The following SMYD4 variants were observed in gnomAD, a reference collection of about 807,000 sequenced individuals.
The protein encoded by SMYD4 is protein-lysine N-methyltransferase SMYD4.
In SMYD4, 68 loss-of-function variants were observed where a neutral mutation model predicts 72.8. The ratio of observed to expected loss-of-function variants is 0.93; its 90% confidence interval spans 0.77 to 1.14. SMYD4 has a LOEUF of 1.14. SMYD4 is among the 50% of genes most tolerant of loss of function. The probability of loss-of-function intolerance (pLI) is 0.00; values close to 1 mark genes in which losing one functional copy is unlikely to be tolerated. For missense variants in SMYD4, 984 were observed against 1,003.7 expected, an observed-to-expected ratio of 0.98 and a Z score of 0.27; for synonymous variants, 407 against 388.6, an observed-to-expected ratio of 1.05 and a Z score of -0.56.
intron 4 of SMYD4, among the ~76,000 whole-genome samples, chr17:1,803,264 G>A (rs1339625458): frequency 6.6e-6 from 1 of 152,190 alleles, no homozygotes; most frequent in Non-Finnish European, 1.5e-5. Context: ...AGGCAGACAC[G>A]GGCAGTTCAA....
intron 7 of SMYD4, 36 bp downstream of exon 7, chr17:1,786,774 T>C (rs775931277): frequency 7.4e-6 from 12 of 1,612,742 alleles, no homozygotes; most frequent in Non-Finnish European, 1.0e-5. Flanking sequence ...AAAACTGACC[T>C]CCAGGAAAAG....
intron 5 of SMYD4, 148 bp downstream of exon 5, chr17:1,799,709 G>A: frequency 1.3e-6 from 1 of 785,592 alleles, no homozygotes. Flanking sequence ...GCTTCTTAAT[G>A]GCATTGTGAC....
At chr17:1,783,585 C>A in intron 8 of SMYD4, 109 bp from the exon 9 acceptor site, 1 of 1,483,206 alleles carries the variant, frequency 6.7e-7, no homozygotes, top group Non-Finnish European at 9.0e-7. Context: ...TGGAAATTCC[C>A]CCTGGCCTCC....
intron 8 of SMYD4, 130 bp downstream of exon 8, chr17:1,784,196 A>C: frequency 2.1e-6 from 3 of 1,441,328 alleles, no homozygotes; most frequent in Non-Finnish European, 2.8e-6. Flanking sequence ...CTATATAGCC[A>C]TCTTGTGGCT....
At chr17:1,795,753 T>TG (rs1909374568) in intron 5 of SMYD4, among the ~76,000 whole-genome samples, 1 of 150,956 alleles carries the variant, frequency 6.6e-6, no homozygotes, top group African/African-American at 2.4e-5. Flanking sequence ...GTGAGTTTTT[T>TG]TTTTTTTTTT....
At chr17:1,825,217 GA>G (rs1269027916) in intron 2 of SMYD4, among the ~76,000 whole-genome samples, 1 of 152,138 alleles carries the variant, frequency 6.6e-6, no homozygotes, top group East Asian at 1.9e-4. Context: ...AAATGCTACA[GA>G]AAAATTGTCC....
chr17:1,798,284 C>T (rs1458831663), intron 5 of SMYD4, among the ~76,000 whole-genome samples: 1 of 151,918 alleles, frequency 6.6e-6, no homozygotes, highest in African/African-American at 2.4e-5. Context: ...GCGTACCTGG[C>T]TAATTTTTGT....
intron 2 of SMYD4, among the ~76,000 whole-genome samples, chr17:1,821,335 A>G (rs1239939415): frequency 6.6e-6 from 1 of 150,736 alleles, no homozygotes; most frequent in Non-Finnish European, 1.5e-5. Context: ...ACCAATATGG[A>G]GAAGTCCCGT....
Position 1,800,856 on chromosome 17 carries a change from C to G in SMYD4, c.538G>C (p.Ala180Pro), listed in dbSNP as rs760731310. Residue 180 changes from alanine to proline, a missense_variant, in exon 5 of 11, where the codon GCA (alanine) becomes CCA (proline). Coordinates refer to ENST00000305513, the MANE Select transcript of SMYD4 (RefSeq NM_052928.3). ...ERNFTATPAL[A>P]DVLPQTLQRN... ...TGCAGAGTCTGAGGGAGGACATCTG[C>G]TAGGGCTGGTGTGGCTGTGAAGTTC... 3.7e-6 allele frequency: 6 copies of G among 1,614,152 alleles called. No homozygotes were observed. The South Asian group carries it at 4.4e-5, about 12-fold the overall frequency.
chr17:1,807,859 CA>C (rs1292744402), intron 3 of SMYD4, among the ~76,000 whole-genome samples: 1 of 152,146 alleles, frequency 6.6e-6, no homozygotes, highest in Non-Finnish European at 1.5e-5. Flanking sequence ...TTTATGGGAA[CA>C]GAAAATCATG....
chr17:1,827,247 T>TA (rs888708234), intron 2 of SMYD4, among the ~76,000 whole-genome samples: 12 of 148,530 alleles, frequency 8.1e-5, no homozygotes, highest in Non-Finnish European at 1.0e-4. Flanking sequence ...GAAGCTGAGA[T>TA]ACGAGAATTG....
chr17:1,790,042 A>G (rs951136704), intron 5 of SMYD4, among the ~76,000 whole-genome samples: 9 of 152,220 alleles, frequency 5.9e-5, no homozygotes, highest in Non-Finnish European at 1.2e-4. Flanking sequence ...ATGAGCAGTG[A>G]AAATGCTAAA....
intron 4 of SMYD4, among the ~76,000 whole-genome samples, chr17:1,803,622 C>T (rs760340044): frequency 6.6e-6 from 1 of 152,088 alleles, no homozygotes; most frequent in Non-Finnish European, 1.5e-5. Context: ...GCCTCAGCCT[C>T]CTGAGTAGCT....
At chr17:1,795,405 CTCTATCTATCTATCTATCTATCTATCTA>C (rs6145948) in intron 5 of SMYD4, among the ~76,000 whole-genome samples, 6 of 148,830 alleles carry the variant, frequency 4.0e-5, no homozygotes, top group Non-Finnish European at 5.9e-5. Flanking sequence ...ACGATCTCAG[CTCTATCTATCTATCTATCTATCTATCTA>C]TCTATCTATC....
At chr17:1,789,210 A>G (rs559329902) in intron 5 of SMYD4, among the ~76,000 whole-genome samples, 1 of 151,998 alleles carries the variant, frequency 6.6e-6, no homozygotes, top group South Asian at 2.1e-4. Context: ...CAAAATGGCA[A>G]AACCCTGTCT....
intron 2 of SMYD4, among the ~76,000 whole-genome samples, chr17:1,817,565 C>A (rs1478493040): frequency 6.6e-6 from 1 of 152,116 alleles, no homozygotes; most frequent in East Asian, 1.9e-4. Flanking sequence ...AACTCCTGGG[C>A]TCAAGTGATC....
In SMYD4 at chr17:1,780,586, C is replaced by A. The variant is rs1405354124; in HGVS notation, c.*700G>T. ...CCCGACCCACAGAACCCACACCCGA[C>A]CCACAGAACCCACATCTGGCAGCAG... On this transcript the variant is annotated 3_prime_UTR_variant, in exon 11 of 11. Transcript: ENST00000305513. 2 of 151,770 alleles carry A rather than the reference C, an allele frequency of 1.3e-5. No homozygotes were observed. The highest frequency in any genetic ancestry group is 2.4e-5 in the African/African-American group (1 of 41,232). The allele number at this position is 151,770 out of a possible 1,614,324, so 9.4% of individuals were successfully genotyped here. A position where few individuals can be genotyped will look rare whatever the true frequency, so the allele number is the denominator to read the frequency against.
chr17:1,799,815 G>A (rs780895594), intron 5 of SMYD4, 42 bp downstream of exon 5: 9 of 1,497,792 alleles, frequency 6.0e-6, no homozygotes, highest in Admixed American at 4.4e-5. Flanking sequence ...CTGCTCCATC[G>A]AGAACAATAT....
rs893909484 is a variant in SMYD4 at position 1,780,168 on chromosome 17, G to A, written c.*1118C>T. On this transcript the variant is annotated 3_prime_UTR_variant, in exon 11 of 11. Coordinates refer to ENST00000305513, the MANE Select transcript of SMYD4 (RefSeq NM_052928.3). ...CCTCAGCCCTCATATCCTAGGCTTCGGACTGTTGGGAAAGTCTTATCTTCC... is the reference window on the plus strand; with the variant it reads ...CCTCAGCCCTCATATCCTAGGCTTCAGACTGTTGGGAAAGTCTTATCTTCC... 8 of 152,130 alleles carry A rather than the reference G, an allele frequency of 5.3e-5. No homozygotes were observed. The highest frequency in any genetic ancestry group is 1.2e-4 in the Non-Finnish European group (8 of 68,026). 9.4% of individuals were successfully genotyped at this position (152,130 alleles called of 1,614,324 possible). A position where few individuals can be genotyped will look rare whatever the true frequency, so the allele number is the denominator to read the frequency against.
Sources: allele counts gnomAD v4.1 joint callset (sites outside exome capture counted in the v4.1 genomes callset), GRCh38; gene constraint gnomAD v4.1.1; transcripts MANE v1.5; gene names NCBI Gene and HGNC (gene_info 2026-07-23, HGNC 2026-07-21).